Variants in DYSF observed in about 807,000 individuals in gnomAD.
DYSF encodes dystrophy-associated fer-1-like 1.
DYSF carries 212 observed loss-of-function variants against 274.9 expected under a neutral mutation model. That is an observed-to-expected ratio of 0.77 (90% CI 0.69 to 0.86). The LOEUF (loss-of-function observed/expected upper bound fraction) is 0.86, where lower values mean the gene tolerates loss of function less well. Ranked by LOEUF, DYSF falls within the 40% of genes least tolerant of loss-of-function variation. DYSF has a pLI of 0.00. For missense variants in DYSF, 2,666 were observed against 2,783.2 expected, an observed-to-expected ratio of 0.96 and a Z score of 0.95; for synonymous variants, 1,091 against 1,078.7, an observed-to-expected ratio of 1.01 and a Z score of -0.22.
intron 35 of DYSF, 82 bp downstream of exon 35, chr2:71,601,610 G>A (rs2093552748): frequency 1.3e-6 from 2 of 1,585,248 alleles, no homozygotes; most frequent in Admixed American, 3.3e-5. Context: ...TAGGAAGGGT[G>A]GCCAGGCATT....
In DYSF at chr2:71,550,528, G is replaced by A. The variant is rs12619213; in HGVS notation, c.1577-513G>A. ...GCTGGGCTCCATCCCTGGCCTCCTG[G>A]GAGATGGTTTCTCTGGTTACCGGGC... On this transcript the variant is annotated intron_variant, in intron 17 of 55. Transcript: ENST00000410020. Among the ~76,000 whole-genome samples, 103 of 151,804 alleles carry A rather than the reference G, an allele frequency of 6.8e-4. No homozygotes were observed. In the East Asian group the frequency reaches 0.012, roughly 18 times the overall value.
At chr2:71,662,619 GTC>G (rs1321779015) in intron 45 of DYSF, among the ~76,000 whole-genome samples, 4 of 130,336 alleles carry the variant, frequency 3.1e-5, no homozygotes. Context: ...GTGTCTGTGT[GTC>G]TGTGTGGCAT....
intron 42 of DYSF, among the ~76,000 whole-genome samples, chr2:71,653,861 C>T (rs1259570641): frequency 1.0e-5 from 1 of 98,528 alleles, no homozygotes; most frequent in Non-Finnish European, 2.6e-5. Context: ...TCTGATATGG[C>T]TAAAAATTGT....
chr2:71,686,340 C>T (rs2095356388), intron 55 of DYSF, 114 bp from the exon 56 acceptor site: 1 of 1,356,054 alleles, frequency 7.4e-7, no homozygotes, highest in Non-Finnish European at 1.1e-6. Flanking sequence ...CTCCCAGCCT[C>T]TTGCCTGTTG....
rs752831534 is a variant in DYSF, at chr2:71,511,785, C to G, written c.346-22C>G. 6 of 1,454,350 alleles carry G rather than the reference C, an allele frequency of 4.1e-6. No homozygotes were observed. The South Asian group carries it at 7.3e-5, about 18-fold the overall frequency. 90.1% of individuals were successfully genotyped at this position (1,454,350 alleles called of 1,614,324 possible). A position where few individuals can be genotyped will look rare whatever the true frequency, so the allele number is the denominator to read the frequency against. On this transcript the variant is annotated intron_variant, in intron 4 of 55. Transcript: ENST00000410020. ...TCCGAGGCCAGCGCACCAACCTGTC[C>G]CCCACGTCTCATCTCTTCCAGGCCT... is the stretch of plus-strand genomic sequence containing the variant.
chr2:71,502,169 T>C (rs1330741698), intron 3 of DYSF, among the ~76,000 whole-genome samples: 2 of 151,374 alleles, frequency 1.3e-5, no homozygotes, highest in Middle Eastern at 3.2e-3. Flanking sequence ...TCAGTGTGAG[T>C]AGTCAGTTTT....
chr2:71,530,142 T>G (rs1038679497), intron 14 of DYSF, among the ~76,000 whole-genome samples: 1 of 143,948 alleles, frequency 6.9e-6, no homozygotes, highest in African/African-American at 2.5e-5. Flanking sequence ...TCTTACGCCC[T>G]GCGCCTGGCA....
chr2:71,512,861 G>A (rs1208152689), intron 5 of DYSF, among the ~76,000 whole-genome samples: 1 of 152,208 alleles, frequency 6.6e-6, no homozygotes, highest in African/African-American at 2.4e-5. Context: ...AGCACTGTCC[G>A]AGCTTAGAGA....
rs545655803 is a variant in DYSF at position 71,649,753 on chromosome 2, T to C, written c.4626+5690T>C. 2.6e-4 allele frequency among the ~76,000 whole-genome samples: 40 copies of C among 152,146 alleles called. No individual in the cohort carries two copies. In the South Asian group the frequency reaches 6.6e-3, roughly 25 times the overall value. ...TTACATGACTATATAATTAAACAAG[T>C]AAAACCAAGACCAAACATATCTGTC... On this transcript the variant is annotated intron_variant, in intron 42 of 55. Transcript: ENST00000410020.
chr2:71,595,751 T>C (rs1050551367), intron 32 of DYSF, among the ~76,000 whole-genome samples: 7 of 152,230 alleles, frequency 4.6e-5, no homozygotes, highest in Non-Finnish European at 8.8e-5. Flanking sequence ...TCCTCAGAGC[T>C]GCAATCCAAA....
chr2:71,458,574 T>G (rs2081163848), intron 1 of DYSF, among the ~76,000 whole-genome samples: 1 of 152,190 alleles, frequency 6.6e-6, no homozygotes, highest in South Asian at 2.1e-4. Context: ...GTACTTTCTC[T>G]TTCTGGGAAC....
In DYSF at chr2:71,612,489, CGCTCGACTGCCCA is replaced by C. The variant is rs1384082980; in HGVS notation, c.4222-147_4222-135del. ...GGCCGACAGAAAAGGTGTGTGGCTT[CGCTCGACTGCCCA>C]GCTCTGGGCCAGCCACCATTTTGGA... On this transcript the variant is annotated intron_variant, in intron 38 of 55. Transcript: ENST00000410020. 6 of 1,177,508 alleles carry C rather than the reference CGCTCGACTGCCCA, an allele frequency of 5.1e-6. No homozygotes were observed. The African/African-American group carries it at 6.1e-5, about 12-fold the overall frequency. 72.9% of individuals were successfully genotyped at this position (1,177,508 alleles called of 1,614,324 possible).
intron 17 of DYSF, among the ~76,000 whole-genome samples, chr2:71,544,408 GTTC>G (rs984729491): frequency 4.0e-5 from 6 of 151,110 alleles, no homozygotes; most frequent in African/African-American, 9.7e-5. Context: ...ACCTCTAGGA[GTTC>G]TTCTCCTAGA....
At chr2:71,564,511 T>C (rs2091968509) in intron 24 of DYSF, among the ~76,000 whole-genome samples, 1 of 152,116 alleles carries the variant, frequency 6.6e-6, no homozygotes, top group South Asian at 2.1e-4. Context: ...CCTGGGGCTG[T>C]GTTTGTCCTT....
At position 71,598,636 on chromosome 2, in the gene DYSF, C is replaced by A; in HGVS notation, c.3647C>A (p.Thr1216Asn). ...GTGGTGAAGAACACCCTTAACCCCA[C>A]CTGGGACCAGACGCTCATCTTCTAC... is the stretch of plus-strand genomic sequence containing the variant. ...TVVVKNTLNP[T>N]WDQTLIFYEI... The change falls in exon 33 of 56, where the codon ACC becomes AAC. Residue 1216 changes from threonine to asparagine, a missense_variant. Thr to Asn is a moderately conservative substitution (Grantham distance 65). Coordinates refer to ENST00000410020, the MANE Select transcript of DYSF (RefSeq NM_001130987.2). 1 of 1,614,216 alleles carries A rather than the reference C, an allele frequency of 6.2e-7. No homozygotes were observed. Among genetic ancestry groups the A allele is most frequent in the Non-Finnish European group, 8.5e-7 (1 of 1,180,058 alleles).
At chr2:71,526,077 C>T in intron 12 of DYSF, 143 bp from the exon 13 acceptor site, 1 of 1,461,356 alleles carries the variant, frequency 6.8e-7, no homozygotes, top group Non-Finnish European at 9.5e-7. Context: ...TTGCCCGAGA[C>T]CACGCGGTAG....
In DYSF at chr2:71,570,345, T is replaced by A. The variant is rs1433533873; in HGVS notation, c.3085+11T>A. On this transcript the variant is annotated intron_variant, in intron 28 of 55. Transcript: ENST00000410020. Reference sequence around the variant, plus strand: ...CTGTCGATGAGCAAGGTGGGCAGCATGTGGAACCTGGCGAGCCCCATCCCC... The same window carrying A: ...CTGTCGATGAGCAAGGTGGGCAGCAAGTGGAACCTGGCGAGCCCCATCCCC... The A allele has an allele frequency of 6.2e-7, 1 of 1,613,096 alleles. No individual in the cohort carries two copies. Among genetic ancestry groups the A allele is most frequent in the African/African-American group, 1.3e-5 (1 of 74,998 alleles).
At chr2:71,573,059 A>G (rs1279944124) in intron 29 of DYSF, among the ~76,000 whole-genome samples, 1 of 152,194 alleles carries the variant, frequency 6.6e-6, no homozygotes, top group African/African-American at 2.4e-5. Flanking sequence ...TTCTTGGTCT[A>G]TGATCTTCCT....
At chr2:71,503,006 C>G (rs1302380690) in intron 3 of DYSF, among the ~76,000 whole-genome samples, 1 of 152,072 alleles carries the variant, frequency 6.6e-6, no homozygotes, top group Non-Finnish European at 1.5e-5. Context: ...CCTTCCCATG[C>G]CCAAGTATTT....
Sources: gnomAD v4.1 joint callset for allele counts (sites outside exome capture counted in the v4.1 genomes callset) on GRCh38, gnomAD v4.1.1 for gene constraint, MANE v1.5 for transcripts, NCBI Gene and HGNC (gene_info 2026-07-23, HGNC 2026-07-21) for gene names.